Variants in YPEL2 observed in about 807,000 individuals in gnomAD.
YPEL2 encodes yippee like 2.
YPEL2 carries 2 observed loss-of-function variants against 19.1 expected under a neutral mutation model. That is an observed-to-expected ratio of 0.10 (90% CI 0.04 to 0.33). The LOEUF is 0.33. Ranked by LOEUF, YPEL2 falls within the 10% of genes least tolerant of loss-of-function variation. The pLI, the probability that YPEL2 is intolerant of heterozygous loss-of-function variation, is 1.00. For missense variants in YPEL2, 66 were observed against 140.7 expected (o/e 0.47, Z 2.68); for synonymous variants, 52 against 50.0 (o/e 1.04, Z -0.17).
intron 2 of YPEL2, among the ~76,000 whole-genome samples, chr17:59,357,984 AT>A (rs2047821426): frequency 6.6e-6 from 1 of 152,160 alleles, no homozygotes; most frequent in Admixed American, 6.5e-5. Flanking sequence ...TATTTACGCT[AT>A]TGTTATGTCA....
intron 4 of YPEL2, 137 bp downstream of exon 4, chr17:59,389,605 C>A: frequency 1.5e-6 from 1 of 658,622 alleles, no homozygotes. Context: ...GTCTACCACA[C>A]TCATTCTTTC....
intron 1 of YPEL2, among the ~76,000 whole-genome samples, chr17:59,349,669 T>C (rs1318461622): frequency 6.6e-6 from 1 of 152,006 alleles, no homozygotes; most frequent in African/African-American, 2.4e-5. Context: ...TGTTTTGTTT[T>C]GTTTTGTTTT....
chr17:59,397,033 A>G, intron 4 of YPEL2, 68 bp from the exon 5 acceptor site: 1 of 1,339,428 alleles, frequency 7.5e-7, no homozygotes, highest in Non-Finnish European at 1.0e-6. Flanking sequence ...TGCCTCAAAA[A>G]AGAAAAAAAA....
At chr17:59,386,404 C>T (rs973517125) in intron 2 of YPEL2, among the ~76,000 whole-genome samples, 2 of 151,968 alleles carry the variant, frequency 1.3e-5, no homozygotes, top group African/African-American at 4.8e-5. Flanking sequence ...CATTGGGTGC[C>T]TTTTTCTGGG....
In YPEL2 at chr17:59,401,137, TACAC is replaced by T. The variant is rs1362767665; in HGVS notation, c.*3949_*3952del. ...GATTAAAAGAACATTAATATTATAA[TACAC>T]ATATCTTAGTGGTAAACAGCTTTTT... On this transcript the variant is annotated 3_prime_UTR_variant, in exon 5 of 5. Transcript: ENST00000312655. 5.3e-5 allele frequency: 8 copies of T among 152,024 alleles called. No individual in the cohort carries two copies. In the East Asian group the frequency reaches 1.5e-3, roughly 29 times the overall value. The allele number at this position is 152,024 out of a possible 1,614,324, so 9.4% of individuals were successfully genotyped here.
At chr17:59,374,504 A>G (rs1598044447) in intron 2 of YPEL2, among the ~76,000 whole-genome samples, 1 of 152,202 alleles carries the variant, frequency 6.6e-6, no homozygotes, top group Admixed American at 6.5e-5. Flanking sequence ...TCACCAGAGG[A>G]AAGTCTGATG....
chr17:59,365,848 C>T (rs2047866044), intron 2 of YPEL2, among the ~76,000 whole-genome samples: 2 of 152,098 alleles, frequency 1.3e-5, no homozygotes, highest in Admixed American at 1.3e-4. Flanking sequence ...ATGGCTCTGC[C>T]AGCTGCCGCT....
intron 1 of YPEL2, among the ~76,000 whole-genome samples, chr17:59,339,652 G>A (rs190348263): frequency 2.7e-4 from 41 of 152,270 alleles, no homozygotes; most frequent in Non-Finnish European, 5.1e-4. Context: ...CACTTCCTCA[G>A]ACTCTTCTCT....
chr17:59,347,686 A>G (rs2047763497), intron 1 of YPEL2, among the ~76,000 whole-genome samples: 2 of 152,094 alleles, frequency 1.3e-5, no homozygotes, highest in East Asian at 1.9e-4. Flanking sequence ...CTCCAATATT[A>G]TTGCCGCCTT....
chr17:59,370,905 CA>C (rs1004606352), intron 2 of YPEL2, among the ~76,000 whole-genome samples: 1 of 152,184 alleles, frequency 6.6e-6, no homozygotes, highest in East Asian at 1.9e-4. Flanking sequence ...CCAACTGGGT[CA>C]GGGGGAGTGA....
At chr17:59,369,312 T>C (rs908443947) in intron 2 of YPEL2, among the ~76,000 whole-genome samples, 1 of 152,206 alleles carries the variant, frequency 6.6e-6, no homozygotes, top group Non-Finnish European at 1.5e-5. Flanking sequence ...GAAACAGGCA[T>C]TGGAAAATGG....
At chr17:59,347,976 T>C (rs2047765310) in intron 1 of YPEL2, among the ~76,000 whole-genome samples, 1 of 152,146 alleles carries the variant, frequency 6.6e-6, no homozygotes, top group Non-Finnish European at 1.5e-5. Flanking sequence ...CCATTGGCCA[T>C]TAAAAATAAT....
At chr17:59,390,589 C>T (rs950537737) in intron 4 of YPEL2, among the ~76,000 whole-genome samples, 2 of 152,170 alleles carry the variant, frequency 1.3e-5, no homozygotes, top group Admixed American at 1.3e-4. Flanking sequence ...TGGACCTCTC[C>T]CAAATGGACA....
At chr17:59,373,590 TCCGGA>T (rs2047907036) in intron 2 of YPEL2, among the ~76,000 whole-genome samples, 1 of 152,210 alleles carries the variant, frequency 6.6e-6, no homozygotes, top group African/African-American at 2.4e-5. Flanking sequence ...CCAGCAAGGC[TCCGGA>T]CATGGCTGCT....
At chr17:59,379,629 G>C (rs1351321309) in intron 2 of YPEL2, among the ~76,000 whole-genome samples, 4 of 152,208 alleles carry the variant, frequency 2.6e-5, no homozygotes, top group Non-Finnish European at 5.9e-5. Context: ...TGCTAATGGT[G>C]TGTGATTTCT....
At chr17:59,332,044 G>T (rs927400337) in intron 1 of YPEL2, among the ~76,000 whole-genome samples, 1 of 151,910 alleles carries the variant, frequency 6.6e-6, no homozygotes, top group African/African-American at 2.4e-5. Context: ...AAACACTGCC[G>T]GGCCCGCGGC....
At chr17:59,355,254 A>C (rs1475752165) in intron 2 of YPEL2, 2 of 152,224 alleles carry the variant, frequency 1.3e-5, no homozygotes, top group African/African-American at 4.8e-5. Context: ...CCAAGATGTC[A>C]AATCAGAGGT....
At chr17:59,368,719 A>G (rs1039311695) in intron 2 of YPEL2, among the ~76,000 whole-genome samples, 1 of 152,140 alleles carries the variant, frequency 6.6e-6, no homozygotes, top group African/African-American at 2.4e-5. Context: ...CAAACTAAGG[A>G]GTTTAGACAG....
At chr17:59,332,930 T>C (rs1234596824) in intron 1 of YPEL2, among the ~76,000 whole-genome samples, 1 of 152,214 alleles carries the variant, frequency 6.6e-6, no homozygotes, top group Non-Finnish European at 1.5e-5. Flanking sequence ...GAGACAGCTG[T>C]CTTTTCCTCC....
Sources: gnomAD v4.1 joint callset for allele counts (sites outside exome capture counted in the v4.1 genomes callset) on GRCh38, gnomAD v4.1.1 for gene constraint, MANE v1.5 for transcripts, NCBI Gene and HGNC (gene_info 2026-07-23, HGNC 2026-07-21) for gene names.